KLHL1: variants seen among roughly 807,000 people sequenced by gnomAD.
The protein encoded by KLHL1 is kelch-like protein 1.
In KLHL1, 47 loss-of-function variants were observed where a neutral mutation model predicts 77.7. The ratio of observed to expected loss-of-function variants is 0.60; its 90% CI spans 0.48 to 0.77. KLHL1 has a LOEUF of 0.77. Among genes scored for constraint, KLHL1 ranks in the 30% least tolerant of loss-of-function variants. The pLI is 0.00. For missense variants in KLHL1, 925 were observed against 910.8 expected (o/e 1.02, Z -0.20); for synonymous variants, 360 against 325.2 (o/e 1.11, Z -1.15).
At chr13:70,071,777 T>C (rs1202442291) in intron 1 of KLHL1, among the ~76,000 whole-genome samples, 1 of 152,024 alleles carries the variant, frequency 6.6e-6, no homozygotes, top group Non-Finnish European at 1.5e-5. Flanking sequence ...TATTTTGGGC[T>C]AAATGGAAAC....
At chr13:69,840,700 ATG>A (rs1335641741) in intron 5 of KLHL1, among the ~76,000 whole-genome samples, 2,477 of 120,136 alleles carry the variant, frequency 0.021, 64 homozygotes, top group African/African-American at 0.066. Flanking sequence ...ATATATATAT[ATG>A]TATGTATGTA....
chr13:70,039,799 C>T (rs1886330081), intron 1 of KLHL1, among the ~76,000 whole-genome samples: 1 of 151,846 alleles, frequency 6.6e-6, no homozygotes, highest in Admixed American at 6.6e-5. Flanking sequence ...ACCATCATGC[C>T]TAGCTAATTT....
chr13:69,797,795 C>T (rs1394359157), intron 6 of KLHL1, among the ~76,000 whole-genome samples: 25 of 146,598 alleles, frequency 1.7e-4, no homozygotes, highest in Admixed American at 1.6e-3. Flanking sequence ...CGCCACTGCA[C>T]CCCAGCCTGG....
chr13:69,757,768 C>T (rs73504023), intron 7 of KLHL1, among the ~76,000 whole-genome samples: 17,411 of 150,966 alleles, frequency 0.12, 1,240 homozygotes, highest in African/African-American at 0.18. Context: ...CCTGGCCAAA[C>T]CCCATGGTGA....
At chr13:70,097,767 T>G (rs768913503) in intron 1 of KLHL1, among the ~76,000 whole-genome samples, 21 of 151,916 alleles carry the variant, frequency 1.4e-4, no homozygotes, top group Admixed American at 6.6e-5. Context: ...TTCAAACATG[T>G]TGGTGATGTA....
chr13:69,800,567 C>G (rs1353885159), intron 6 of KLHL1, among the ~76,000 whole-genome samples: 1 of 152,040 alleles, frequency 6.6e-6, no homozygotes, highest in African/African-American at 2.4e-5. Flanking sequence ...ATTTTGTCTT[C>G]TTTTTAAGAA....
intron 6 of KLHL1, among the ~76,000 whole-genome samples, chr13:69,813,869 T>C (rs565841845): frequency 1.3e-5 from 2 of 152,282 alleles, no homozygotes; most frequent in African/African-American, 2.4e-5. Context: ...ATTTCCAATG[T>C]TGTTTTTCAC....
rs183309110 is a variant in KLHL1, at chr13:69,781,456, C to T, written c.1639+15282G>A. ...AAGTAAGTTGAAAACCTTTGCCTGT[C>T]GGAAGTTTGAAGCATGCTTTCATTA... On this transcript the variant is annotated intron_variant, in intron 7 of 10. Transcript: ENST00000377844. 7.2e-4 allele frequency among the ~76,000 whole-genome samples: 109 copies of T among 152,050 alleles called. No individual in the cohort carries two copies. In the Middle Eastern group the frequency reaches 0.014, roughly 19 times the overall value.
chr13:69,743,959 T>C (rs1874095889), intron 7 of KLHL1, among the ~76,000 whole-genome samples: 1 of 152,150 alleles, frequency 6.6e-6, no homozygotes, highest in African/African-American at 2.4e-5. Flanking sequence ...GGATATATCA[T>C]GTTTAAAGGG....
chr13:69,875,152 C>T (rs1437705348), intron 5 of KLHL1, among the ~76,000 whole-genome samples: 1 of 151,776 alleles, frequency 6.6e-6, no homozygotes, highest in Non-Finnish European at 1.5e-5. Flanking sequence ...GAAAATTACA[C>T]CATAGAGGAG....
intron 7 of KLHL1, among the ~76,000 whole-genome samples, chr13:69,785,138 C>T (rs549865774): frequency 3.3e-5 from 5 of 151,800 alleles, no homozygotes; most frequent in South Asian, 2.1e-4. Flanking sequence ...GTGATCCGCC[C>T]GCCTTGGCCT....
chr13:69,940,953 A>G (rs920226249), intron 3 of KLHL1, among the ~76,000 whole-genome samples: 1 of 151,978 alleles, frequency 6.6e-6, no homozygotes, highest in Non-Finnish European at 1.5e-5. Flanking sequence ...CATTTTAATT[A>G]GTAATTCAAT....
intron 8 of KLHL1, among the ~76,000 whole-genome samples, chr13:69,726,464 G>T (rs987714316): frequency 3.3e-5 from 5 of 152,124 alleles, no homozygotes; most frequent in African/African-American, 1.2e-4. Context: ...CAGTGAGTGG[G>T]ATTTCACTAA....
At chr13:69,780,713 T>C (rs1464304449) in intron 7 of KLHL1, among the ~76,000 whole-genome samples, 1 of 32,952 alleles carries the variant, frequency 3.0e-5, no homozygotes, top group Non-Finnish European at 5.3e-5. Flanking sequence ...TATATATATA[T>C]ATGTATATAT....
intron 1 of KLHL1, 46 bp from the exon 2 acceptor site, chr13:69,975,848 A>G (rs1230744736): frequency 2.7e-6 from 4 of 1,484,150 alleles, no homozygotes; most frequent in Non-Finnish European, 3.6e-6. Context: ...TAATAAAGGG[A>G]TTTATAAAGA....
rs76951131 is a variant in KLHL1 at position 69,871,726 on chromosome 13, C to CT, written c.1227+10556dup. 3.5e-3 allele frequency among the ~76,000 whole-genome samples: 496 copies of CT among 141,920 alleles called. 6 individuals carry two copies. In the South Asian group the frequency reaches 0.039, roughly 11 times the overall value. 93.1% of individuals were successfully genotyped at this position (141,920 alleles called of 152,430 possible). A position where few individuals can be genotyped will look rare whatever the true frequency, so the allele number is the denominator to read the frequency against. ...CAGAACATGGACACAATTCGGCCAA[C>CT]TTTTTTTTTTTTTTTTCCTGTGGTG... On this transcript the variant is annotated intron_variant, in intron 5 of 10. Transcript: ENST00000377844.
chr13:69,832,627 G>A (rs1256797654), intron 6 of KLHL1, among the ~76,000 whole-genome samples: 1 of 151,652 alleles, frequency 6.6e-6, no homozygotes, highest in East Asian at 1.9e-4. Flanking sequence ...AAAAGAGCCT[G>A]CCTAGCCAAA....
intron 1 of KLHL1, among the ~76,000 whole-genome samples, chr13:69,999,665 C>T (rs996916087): frequency 6.6e-6 from 1 of 151,894 alleles, no homozygotes; most frequent in Non-Finnish European, 1.5e-5. Context: ...TGGGATGGCA[C>T]CTAGCAATCC....
chr13:69,785,583 G>C (rs146958955), intron 7 of KLHL1, among the ~76,000 whole-genome samples: 1,638 of 129,136 alleles, frequency 0.013, 22 homozygotes, highest in Non-Finnish European at 0.017. Flanking sequence ...GACACCCTAA[G>C]ATCACAATTA....
Sources: allele counts gnomAD v4.1 joint callset (sites outside exome capture counted in the v4.1 genomes callset), GRCh38; gene constraint gnomAD v4.1.1; transcripts MANE v1.5; gene names NCBI Gene and HGNC (gene_info 2026-07-23, HGNC 2026-07-21).